TLL2: variants seen among roughly 807,000 people sequenced by gnomAD.
The protein encoded by TLL2 is tolloid-like protein 2.
A neutral mutation model predicts 123.0 loss-of-function variants in TLL2; 106 were observed. That is an observed-to-expected ratio of 0.86 (90% CI 0.74 to 1.01). The LOEUF (loss-of-function observed/expected upper bound fraction) is 1.01. TLL2 is among the 50% of genes least tolerant of loss of function. The pLI, the probability that TLL2 is intolerant of heterozygous loss-of-function variation, is 0.00. For synonymous variants in TLL2, 494 were observed against 516.8 expected (o/e 0.96, Z 0.60); for missense variants, 1,332 against 1,336.7 (o/e 1.00, Z 0.06).
intron 16 of TLL2, 108 bp downstream of exon 16, chr10:96,384,479 T>G: frequency 8.2e-7 from 1 of 1,217,134 alleles, no homozygotes; most frequent in Non-Finnish European, 1.1e-6. Flanking sequence ...CCTGGAGGGA[T>G]GCAGGAGCAA....
At chr10:96,422,431 C>T (rs557393643) in intron 6 of TLL2, 118 bp downstream of exon 6, 117 of 1,195,684 alleles carry the variant, frequency 9.8e-5, no homozygotes, top group Non-Finnish European at 1.1e-4. Flanking sequence ...GTCATTGCTC[C>T]ATATTCAGCA....
At chr10:96,489,148 G>A (rs1847387080) in intron 1 of TLL2, among the ~76,000 whole-genome samples, 1 of 152,196 alleles carries the variant, frequency 6.6e-6, no homozygotes, top group Admixed American at 6.5e-5. Context: ...CATTAAGAAG[G>A]AAATCAGGGT....
At chr10:96,505,230 T>C (rs1847568435) in intron 1 of TLL2, among the ~76,000 whole-genome samples, 1 of 152,152 alleles carries the variant, frequency 6.6e-6, no homozygotes, top group Non-Finnish European at 1.5e-5. Flanking sequence ...CAGCCACTTT[T>C]AAACCATCAG....
Position 96,395,943 on chromosome 10 carries a change from T to G in TLL2, c.1462A>C (p.Lys488Gln). 6.2e-7 allele frequency: 1 copy of G among 1,614,234 alleles called. No homozygotes were observed. The highest frequency in any genetic ancestry group is 8.5e-7 in the Non-Finnish European group (1 of 1,180,054). Residue 488 changes from lysine to glutamine, a missense_variant, in exon 12 of 21, where the codon AAG becomes CAG. Coordinates refer to ENST00000357947, the MANE Select transcript of TLL2 (RefSeq NM_012465.4). ...PNYPDDYRPS[K>Q]ECVWRITVSE... The stretch of plus-strand genomic sequence containing the variant: ...ACCGTAATCCTCCAGACACATTCCT[T>G]GGAAGGTCTGTAGTCATCCGGATAG...
At chr10:96,396,429 G>A (rs1034109872) in intron 11 of TLL2, among the ~76,000 whole-genome samples, 2 of 150,490 alleles carry the variant, frequency 1.3e-5, no homozygotes, top group African/African-American at 2.5e-5. Context: ...ACCCGTGCGC[G>A]CACACGTGCA....
chr10:96,507,450 T>C (rs1389244142), intron 1 of TLL2, among the ~76,000 whole-genome samples: 1 of 152,116 alleles, frequency 6.6e-6, no homozygotes, highest in Non-Finnish European at 1.5e-5. Flanking sequence ...TCTCTAACCC[T>C]AACTATACTA....
chr10:96,500,629 A>G (rs964286648), intron 1 of TLL2, among the ~76,000 whole-genome samples: 3 of 152,192 alleles, frequency 2.0e-5, no homozygotes, highest in Non-Finnish European at 4.4e-5. Flanking sequence ...CCCTGTCTCT[A>G]CGACACATAC....
chr10:96,396,074 T>G (rs917398914), intron 11 of TLL2, 54 bp from the exon 12 acceptor site: 27 of 1,584,200 alleles, frequency 1.7e-5, no homozygotes, highest in Non-Finnish European at 8.6e-7. Context: ...AGATCTTACT[T>G]AGGAAGGAAG....
intron 5 of TLL2, among the ~76,000 whole-genome samples, chr10:96,426,234 T>C (rs34670109): frequency 0.35 from 53,816 of 151,966 alleles, 9,642 homozygotes; most frequent in African/African-American, 0.39. Context: ...TATTTGGCAG[T>C]CTCCTCTTCT....
chr10:96,463,285 A>G (rs1321974993), intron 2 of TLL2, among the ~76,000 whole-genome samples: 1 of 152,210 alleles, frequency 6.6e-6, no homozygotes, highest in Non-Finnish European at 1.5e-5. Context: ...GCAGGAAAGC[A>G]AACGAACGCA....
intron 1 of TLL2, among the ~76,000 whole-genome samples, chr10:96,500,141 T>A (rs1284207010): frequency 4.5e-5 from 3 of 66,110 alleles, no homozygotes; most frequent in South Asian, 4.8e-4. Context: ...AAAAAATCTC[T>A]ACCAAAAAAA....
intron 5 of TLL2, among the ~76,000 whole-genome samples, chr10:96,427,628 A>G (rs1846691072): frequency 6.6e-6 from 1 of 152,216 alleles, no homozygotes. Flanking sequence ...CAAAACAATG[A>G]AAACCTAGTC....
chr10:96,512,241 C>T (rs1475688795), intron 1 of TLL2, among the ~76,000 whole-genome samples: 1 of 152,218 alleles, frequency 6.6e-6, no homozygotes, highest in Non-Finnish European at 1.5e-5. Context: ...TTACCCAGTT[C>T]TGACCCTCCC....
At chr10:96,470,343 G>T (rs1296786207) in intron 2 of TLL2, among the ~76,000 whole-genome samples, 1 of 152,218 alleles carries the variant, frequency 6.6e-6, no homozygotes, top group East Asian at 1.9e-4. Context: ...AGGCCATCAG[G>T]CAGTCTTGAG....
chr10:96,428,205 A>C (rs1350067388), intron 5 of TLL2, among the ~76,000 whole-genome samples: 1 of 152,202 alleles, frequency 6.6e-6, no homozygotes, highest in African/African-American at 2.4e-5. Context: ...TTTATTACAT[A>C]TTATGTTTTC....
chr10:96,456,904 T>G (rs1327632613), intron 2 of TLL2, among the ~76,000 whole-genome samples: 4 of 152,194 alleles, frequency 2.6e-5, no homozygotes, highest in Admixed American at 2.6e-4. Context: ...GAGGCAGCAT[T>G]AAGGACAAGA....
At chr10:96,400,402 C>T (rs555171027) in intron 10 of TLL2, among the ~76,000 whole-genome samples, 64 of 150,324 alleles carry the variant, frequency 4.3e-4, no homozygotes, top group African/African-American at 1.5e-3. Flanking sequence ...CTGACTGAGG[C>T]ACAGTTCTGA....
At chr10:96,448,165 G>T (rs1846918104) in intron 2 of TLL2, among the ~76,000 whole-genome samples, 1 of 152,216 alleles carries the variant, frequency 6.6e-6, no homozygotes, top group Non-Finnish European at 1.5e-5. Flanking sequence ...CTCCGCGCCT[G>T]CATCCTGCTC....
At chr10:96,485,267 AAAAT>A (rs1019876234) in intron 1 of TLL2, among the ~76,000 whole-genome samples, 1 of 152,254 alleles carries the variant, frequency 6.6e-6, no homozygotes, top group Non-Finnish European at 1.5e-5. Flanking sequence ...AACAAAAGAA[AAAAT>A]AAATAAATTA....
Sources: allele counts gnomAD v4.1 joint callset (sites outside exome capture counted in the v4.1 genomes callset), GRCh38; gene constraint gnomAD v4.1.1; transcripts MANE v1.5; gene names NCBI Gene and HGNC (gene_info 2026-07-23, HGNC 2026-07-21).